The following VCF2 variants were observed in gnomAD, a reference collection of about 807,000 sequenced individuals.
VCF2 encodes VCP nuclear cofactor family member 2, also known as protein VCF2.
At chrX:55,145,680 C>A in the VCF2 span, 3 of 760,079 alleles carry the variant, frequency 3.9e-6, no homozygotes, top group Admixed American at 2.4e-4. Context: ...AGCTACATAC[C>A]TCTTTACTAG....
At chrX:55,148,287 GGAT>G in the VCF2 span, among the ~76,000 whole-genome samples, 1 of 108,751 alleles carries the variant, frequency 9.2e-6, no homozygotes, top group Non-Finnish European at 1.9e-5. Context: ...TTAAACATCT[GGAT>G]GATTTCTAAT....
chrX:55,149,397 A>G, the VCF2 span, among the ~76,000 whole-genome samples: 1 of 111,701 alleles, frequency 9.0e-6, no homozygotes, highest in South Asian at 3.7e-4. Flanking sequence ...TATAAAAAGA[A>G]CACCAAGTCT....
the VCF2 span, among the ~76,000 whole-genome samples, chrX:55,144,147 T>G: frequency 8.9e-6 from 1 of 111,885 alleles, no homozygotes; most frequent in Admixed American, 9.5e-5. Context: ...CTTTCTCAGC[T>G]GTTCAACTAC....
At chrX:55,160,635 C>T in the VCF2 span, 4 of 456,538 alleles carry the variant, frequency 8.8e-6, no homozygotes, top group South Asian at 7.1e-5. Flanking sequence ...GATTCAGAGA[C>T]GTTTGTAATG....
At chrX:55,155,168 AAG>A in the VCF2 span, among the ~76,000 whole-genome samples, 1 of 112,241 alleles carries the variant, frequency 8.9e-6, no homozygotes, top group Non-Finnish European at 1.9e-5. Context: ...TCTCCCAGAG[AAG>A]AGTTAGTGAG....
the VCF2 span, among the ~76,000 whole-genome samples, chrX:55,148,731 G>T: frequency 9.1e-6 from 1 of 109,531 alleles, no homozygotes; most frequent in Non-Finnish European, 1.9e-5. Context: ...ATACACTAAA[G>T]AATCAGTTAG....
At chrX:55,153,068 G>T in the VCF2 span, among the ~76,000 whole-genome samples, 4 of 111,717 alleles carry the variant, frequency 3.6e-5, no homozygotes, top group Non-Finnish European at 5.6e-5. Context: ...AAATTGTCTC[G>T]TCTTTCTAGA....
At chrX:55,158,467 A>G in the VCF2 span, among the ~76,000 whole-genome samples, 1 of 111,788 alleles carries the variant, frequency 8.9e-6, no homozygotes, top group African/African-American at 3.2e-5. Context: ...AATAAGTTAT[A>G]GAATTCAACA....
chrX:55,151,054 G>T, the VCF2 span, among the ~76,000 whole-genome samples: 4 of 112,367 alleles, frequency 3.6e-5, no homozygotes, highest in African/African-American at 1.3e-4. Context: ...GGTTAACTAT[G>T]TTAGTGTGAG....
chrX:55,148,936 T>C, the VCF2 span, among the ~76,000 whole-genome samples: 6 of 112,036 alleles, frequency 5.4e-5, no homozygotes, highest in African/African-American at 1.9e-4. Flanking sequence ...GTTCTAACTG[T>C]TTGTCATAGC....
the VCF2 span, among the ~76,000 whole-genome samples, chrX:55,144,711 C>T: frequency 2.7e-5 from 3 of 112,396 alleles, no homozygotes; most frequent in East Asian, 2.8e-4. Context: ...TGTAACCTTA[C>T]GTCTTTTCCA....
chrX:55,150,884 A>G, the VCF2 span, among the ~76,000 whole-genome samples: 3 of 111,554 alleles, frequency 2.7e-5, no homozygotes, highest in Non-Finnish European at 5.6e-5. Context: ...CCCAGATGAA[A>G]CTAATGGAAA....
At chrX:55,155,878 A>C in the VCF2 span, among the ~76,000 whole-genome samples, 2 of 110,875 alleles carry the variant, frequency 1.8e-5, no homozygotes, top group Non-Finnish European at 3.8e-5. Context: ...TCATGATATA[A>C]AATTATATAA....
the VCF2 span, among the ~76,000 whole-genome samples, chrX:55,153,292 A>G: frequency 1.8e-5 from 2 of 111,844 alleles, no homozygotes; most frequent in African/African-American, 6.5e-5. Context: ...TGGGACTTTA[A>G]ATAATTTTTT....
chrX:55,154,535 A>G, the VCF2 span, among the ~76,000 whole-genome samples: 1 of 112,440 alleles, frequency 8.9e-6, no homozygotes, highest in Non-Finnish European at 1.9e-5. Context: ...AAAGAAGGGG[A>G]TCTCATTATG....
the VCF2 span, among the ~76,000 whole-genome samples, chrX:55,151,483 G>A: frequency 8.9e-6 from 1 of 112,706 alleles, no homozygotes; most frequent in African/African-American, 3.2e-5. Flanking sequence ...CGCCCAAGGC[G>A]TTGAAGTGTA....
At chrX:55,146,549 G>A in the VCF2 span, among the ~76,000 whole-genome samples, 5 of 111,919 alleles carry the variant, frequency 4.5e-5, no homozygotes, top group African/African-American at 1.6e-4. Context: ...ATATATCTAC[G>A]AAGTGGCAGG....
the VCF2 span, among the ~76,000 whole-genome samples, chrX:55,152,504 A>T: frequency 8.9e-6 from 1 of 112,111 alleles, no homozygotes; most frequent in African/African-American, 3.2e-5. Flanking sequence ...CAAGAGATCA[A>T]ACAAAATCTG....
the VCF2 span, chrX:55,160,886 T>C: frequency 8.6e-7 from 1 of 1,157,966 alleles, no homozygotes; most frequent in Non-Finnish European, 1.1e-6. Flanking sequence ...CAGCATGTTC[T>C]TTCGGAGAAG....
Sources: gnomAD v4.1 joint callset for allele counts (sites outside exome capture counted in the v4.1 genomes callset) on GRCh38, gnomAD v4.1.1 for gene constraint, MANE v1.5 for transcripts, NCBI Gene and HGNC (gene_info 2026-07-23, HGNC 2026-07-21) for gene names.